OR10H2: variants seen among roughly 807,000 people sequenced by gnomAD.
The protein encoded by OR10H2 is olfactory receptor 10H2.
OR10H2 carries 1 observed loss-of-function variant against 0.8 expected under a neutral mutation model. That is an observed-to-expected ratio of 1.23 (90% confidence interval 0.44 to 5.84). The LOEUF (loss-of-function observed/expected upper bound fraction) is 5.84. Ranked by LOEUF, OR10H2 falls within the 30% of genes most tolerant of loss-of-function variation. The probability of loss-of-function intolerance (pLI) is 0.15; values close to 1 mark genes in which losing one functional copy is unlikely to be tolerated. For synonymous variants in OR10H2, 204 were observed against 174.3 expected (o/e 1.17, Z -1.34); for missense variants, 355 against 405.9 (o/e 0.87, Z 1.08).
Position 15,728,144 on chromosome 19 carries a change from T to G in OR10H2, c.101T>G (p.Met34Arg). ...ATGCTCTTCCTGCTGTTCCTGCTGA[T>G]GTACCTGTTCACGCTGCTGGGCAAC... The part of the protein sequence containing the change: ...QLMLFLLFLL[M>R]YLFTLLGNLL... The change falls in exon 1 of 1, where the codon ATG (methionine) becomes AGG (arginine). Residue 34 changes from methionine to arginine, a missense_variant. Physicochemically the swap from Met to Arg is moderately conservative, Grantham distance 91. Around this residue, in one of 3 missense-constraint regions of OR10H2, gnomAD observed 44 missense variants for 38.4 expected, o/e 1.15. Transcript: ENST00000305899. 6.2e-7 allele frequency: 1 copy of G among 1,614,186 alleles called. No homozygotes were observed. The highest frequency in any genetic ancestry group is 8.5e-7 in the Non-Finnish European group (1 of 1,180,004).
rs753974179 is a variant in OR10H2 at position 15,728,906 on chromosome 19, C to T, written c.863C>T (p.Pro288Leu). 1.9e-6 allele frequency: 3 copies of T among 1,614,078 alleles called. No individual in the cohort carries two copies. In the African/African-American group the frequency reaches 4.0e-5, roughly 22 times the overall value. ...GCAGTCCTCACGCCCTTCCTCAGCC[C>T]CATCATCTTCAGCCTCAGGAACAAA... The part of the protein sequence containing the change: ...TYAVLTPFLS[P>L]IIFSLRNKEL... Residue 288 changes from proline (P) to leucine (L), a missense_variant, in exon 1 of 1, where the codon CCC becomes CTC. Physicochemically the swap from Pro to Leu is moderately conservative, Grantham distance 98. Coordinates refer to ENST00000305899, the MANE Select transcript of OR10H2 (RefSeq NM_013939.2).
chr19:15,728,029 C>T lies in OR10H2; in HGVS notation c.-15C>T, dbSNP rs763815975. 7 of 1,598,440 alleles carry T rather than the reference C, an allele frequency of 4.4e-6. No individual in the cohort carries two copies. The Admixed American group carries it at 1.2e-4, about 27-fold the overall frequency. ...GGGTCTTCTTTCCTCTCTTCCCCAA[C>T]TAGGGGTGGCCGTCATGCTGGGGCT... On this transcript the variant is annotated 5_prime_UTR_variant, in exon 1 of 1. Transcript: ENST00000305899.
At position 15,728,571 on chromosome 19, in the gene OR10H2, T is replaced by A; in HGVS notation, c.528T>A (p.His176Gln). The A allele has an allele frequency of 6.2e-7, 1 of 1,614,066 alleles. No homozygotes were observed. The highest frequency in any genetic ancestry group is 8.5e-7 in the Non-Finnish European group (1 of 1,179,934). The change falls in exon 1 of 1, where the codon CAT (histidine) becomes CAA (glutamine). Residue 176 changes from histidine (H) to glutamine (Q), a missense_variant. Transcript: ENST00000305899. Reference protein sequence around the residue: ...LTFCGSHEIQHFLCHVPPLLK... With the variant: ...LTFCGSHEIQQFLCHVPPLLK... ...TCTGTGGATCCCATGAGATCCAGCATTTTTTATGTCATGTGCCACCTCTGT... is the reference window on the plus strand; with the variant it reads ...TCTGTGGATCCCATGAGATCCAGCAATTTTTATGTCATGTGCCACCTCTGT...
rs184905871 is a variant in OR10H2 at position 15,728,983 on chromosome 19, G to C, written c.940G>C (p.Gly314Arg). The change falls in exon 1 of 1, where the codon GGC (glycine) becomes CGC (arginine). Residue 314 changes from glycine to arginine, a missense_variant. Physicochemically the swap from Gly to Arg is moderately radical, Grantham distance 125. Coordinates refer to ENST00000305899, the MANE Select transcript of OR10H2 (RefSeq NM_013939.2). ...CTTCCTCAGCACACTCTATTCCTCA[G>C]GCACCTGAGTAGCTGGTGTGGAAGT... ...RTFLSTLYSS[G>R]T is the part of the protein sequence containing the mutation. 6.2e-7 allele frequency: 1 copy of C among 1,611,784 alleles called. No individual in the cohort carries two copies. The highest frequency in any genetic ancestry group is 1.3e-5 in the African/African-American group (1 of 74,990).
chr19:15,728,579 G>T lies in OR10H2; in HGVS notation c.536G>T (p.Cys179Phe). 14 of 1,614,154 alleles carry T rather than the reference G, an allele frequency of 8.7e-6. No homozygotes were observed. Among genetic ancestry groups the T allele is most frequent in the Non-Finnish European group, 1.2e-5 (14 of 1,180,006 alleles). Residue 179 changes from cysteine (C) to phenylalanine (F), a missense_variant, in exon 1 of 1, where the codon TGT (cysteine) becomes TTT (phenylalanine). Transcript: ENST00000305899. The part of the protein sequence containing the change: ...CGSHEIQHFL[C>F]HVPPLLKLAC... ...TCCCATGAGATCCAGCATTTTTTATGTCATGTGCCACCTCTGTTGAAGTTG... is the reference window on the plus strand; with the variant it reads ...TCCCATGAGATCCAGCATTTTTTATTTCATGTGCCACCTCTGTTGAAGTTG...
Position 15,728,768 on chromosome 19 carries a change from G to GT in OR10H2, c.726dup (p.Ala243CysfsTer30), listed in dbSNP as rs1409120801. 6.2e-7 allele frequency: 1 copy of GT among 1,614,104 alleles called. No individual in the cohort carries two copies. The highest frequency in any genetic ancestry group is 1.7e-5 in the Admixed American group (1 of 60,014). On this transcript the variant is annotated frameshift_variant, in exon 1 of 1. Transcript: ENST00000305899. LOFTEE classifies it low-confidence loss of function (END_TRUNC). ...GGTCGGAACAAGGCCTTCTCCACCT[G>GT]TGCCTCTCACCTTATTGTGGTCATT...
rs1436980688 is a variant in OR10H2, at chr19:15,728,676, T to C, written c.633T>C (p.Cys211=). The C allele has an allele frequency of 6.2e-7, 1 of 1,614,062 alleles. No individual in the cohort carries two copies. The highest frequency in any genetic ancestry group is 8.5e-7 in the Non-Finnish European group (1 of 1,180,042). Reference sequence around the variant, plus strand: ...TATGTATCATGGCACTGCTGGGCTGTTTTCTCCTCATCCTCCTCTCCTATG... The same window carrying C: ...TATGTATCATGGCACTGCTGGGCTGCTTTCTCCTCATCCTCCTCTCCTATG... ...GLVCIMALLG[C]FLLILLSYAF... Residue 211 remains cysteine, a synonymous_variant, in exon 1 of 1, where the codon TGT becomes TGC. Coordinates refer to ENST00000305899, the MANE Select transcript of OR10H2 (RefSeq NM_013939.2).
rs2008577069 is a variant in OR10H2 at position 15,729,048 on chromosome 19, T to C, written c.*57T>C. On this transcript the variant is annotated 3_prime_UTR_variant, in exon 1 of 1. Coordinates refer to ENST00000305899, the MANE Select transcript of OR10H2 (RefSeq NM_013939.2). ...ATAGGAGGATGACCATCACCTTGTC[T>C]GCACAGTGTGGCTAGTAATGCTTAC... 2.8e-6 allele frequency: 4 copies of C among 1,416,688 alleles called. No homozygotes were observed. The highest frequency in any genetic ancestry group is 3.9e-6 in the Non-Finnish European group (4 of 1,031,568). The allele number at this position is 1,416,688 out of a possible 1,614,324, so 87.8% of individuals were successfully genotyped here. A position where few individuals can be genotyped will look rare whatever the true frequency, so the allele number is the denominator to read the frequency against.
rs2008573292 is a variant in OR10H2 at position 15,728,811 on chromosome 19, C to T, written c.768C>T (p.Ala256=). ...LIVVIVHYGF[A]SVIYLKPKGP... is the part of the protein sequence containing the mutation. ...TGGTCATTGTGCACTATGGCTTTGC[C>T]TCTGTCATCTACCTCAAGCCCAAAG... The change falls in exon 1 of 1, where the codon GCC becomes GCT. Residue 256 remains alanine (A), a synonymous_variant. Transcript: ENST00000305899. 6.2e-7 allele frequency: 1 copy of T among 1,614,176 alleles called. No homozygotes were observed. The highest frequency in any genetic ancestry group is 8.5e-7 in the Non-Finnish European group (1 of 1,180,044).
In OR10H2 at chr19:15,728,049, G is replaced by C; in HGVS notation, c.6G>C (p.Leu2=). 2 of 1,608,510 alleles carry C rather than the reference G, an allele frequency of 1.2e-6. No individual in the cohort carries two copies. Among genetic ancestry groups the C allele is most frequent in the Non-Finnish European group, 1.7e-6 (2 of 1,175,794 alleles). ...CCCAACTAGGGGTGGCCGTCATGCT[G>C]GGGCTAAACCACACCTCCATGTCTG... M[L]GLNHTSMSEF... The change falls in exon 1 of 1, where the codon CTG becomes CTC. Residue 2 remains leucine (L), a synonymous_variant. Coordinates refer to ENST00000305899, the MANE Select transcript of OR10H2 (RefSeq NM_013939.2).
chr19:15,728,274 C>A lies in OR10H2; in HGVS notation c.231C>A (p.Ile77=), dbSNP rs2008563027. 4.3e-6 allele frequency: 7 copies of A among 1,613,518 alleles called. No individual in the cohort carries two copies. The highest frequency in any genetic ancestry group is 5.9e-6 in the Non-Finnish European group (7 of 1,179,420). ...SVSEILYTVA[I]IPRMLADLLS... is the part of the protein sequence containing the mutation. ...CCGAGATCCTCTACACCGTGGCCATCATCCCGCGCATGCTGGCCGACCTGC... is the reference window on the plus strand; with the variant it reads ...CCGAGATCCTCTACACCGTGGCCATAATCCCGCGCATGCTGGCCGACCTGC... The change falls in exon 1 of 1, where the codon ATC becomes ATA. Residue 77 remains isoleucine (I), a synonymous_variant. Transcript: ENST00000305899.
chr19:15,728,809 G>A lies in OR10H2; in HGVS notation c.766G>A (p.Ala256Thr). Residue 256 changes from alanine (A) to threonine (T), a missense_variant, in exon 1 of 1, where the codon GCC becomes ACC. Transcript: ENST00000305899. ...LIVVIVHYGFASVIYLKPKGP... is the reference protein window; with the variant it reads ...LIVVIVHYGFTSVIYLKPKGP... ...TGTGGTCATTGTGCACTATGGCTTT[G>A]CCTCTGTCATCTACCTCAAGCCCAA... The A allele has an allele frequency of 6.2e-7, 1 of 1,614,086 alleles. No homozygotes were observed. Among genetic ancestry groups the A allele is most frequent in the South Asian group, 1.1e-5 (1 of 91,080 alleles).
rs184255716 is a variant in OR10H2, at chr19:15,728,113, C to T, written c.70C>T (p.Gln24Ter). ...CGGCTTCTCTGCCTTCCCCCACCTC[C>T]AACTGATGCTCTTCCTGCTGTTCCT... ...LVGFSAFPHL[Q>*]LMLFLLFLLM... Residue 24 changes from glutamine to a stop codon, truncating the protein, a stop_gained, in exon 1 of 1, where the codon CAA becomes TAA. Transcript: ENST00000305899. LOFTEE classifies it low-confidence loss of function (END_TRUNC). The T allele has an allele frequency of 6.2e-7, 1 of 1,614,224 alleles. No homozygotes were observed. The highest frequency in any genetic ancestry group is 2.2e-5 in the East Asian group (1 of 44,884).
At position 15,728,800 on chromosome 19, in the gene OR10H2, T is replaced by A. The variant is rs1170038909; in HGVS notation, c.757T>A (p.Tyr253Asn). 1.9e-6 allele frequency: 3 copies of A among 1,614,072 alleles called. No individual in the cohort carries two copies. In the Admixed American group the frequency reaches 5.0e-5, roughly 27 times the overall value. The change falls in exon 1 of 1, where the codon TAT becomes AAT. Residue 253 changes from tyrosine (Y) to asparagine (N), a missense_variant. Tyr to Asn is a moderately radical substitution (Grantham distance 143, BLOSUM62 -2). Around this residue, in one of 3 missense-constraint regions of OR10H2, gnomAD observed 178 missense variants for 172.8 expected, o/e 1.03. Transcript: ENST00000305899. Reference protein sequence around the residue: ...ASHLIVVIVHYGFASVIYLKP... With the variant: ...ASHLIVVIVHNGFASVIYLKP... ...TCACCTTATTGTGGTCATTGTGCAC[T>A]ATGGCTTTGCCTCTGTCATCTACCT...
In OR10H2 at chr19:15,728,329, G is replaced by A. The variant is rs2008564071; in HGVS notation, c.286G>A (p.Ala96Thr). The change falls in exon 1 of 1, where the codon GCC (alanine) becomes ACC (threonine). Residue 96 changes from alanine (A) to threonine (T), a missense_variant. Around this residue, in one of 3 missense-constraint regions of OR10H2, gnomAD observed 133 missense variants for 194.7 expected, o/e 0.68. Coordinates refer to ENST00000305899, the MANE Select transcript of OR10H2 (RefSeq NM_013939.2). ...CACCCAGCGCTCCATCGCCTTCCTGGCCTGTGCCAGTCAGATGTTCTTCTC... is the reference window on the plus strand; with the variant it reads ...CACCCAGCGCTCCATCGCCTTCCTGACCTGTGCCAGTCAGATGTTCTTCTC... ...LSTQRSIAFL[A>T]CASQMFFSFS... is the part of the protein sequence containing the mutation. 1 of 1,613,274 alleles carries A rather than the reference G, an allele frequency of 6.2e-7. No individual in the cohort carries two copies. The highest frequency in any genetic ancestry group is 1.1e-5 in the South Asian group (1 of 91,026).
At position 15,728,076 on chromosome 19, in the gene OR10H2, A is replaced by G. The variant is rs1470971014; in HGVS notation, c.33A>G (p.Glu11=). ...GGCTAAACCACACCTCCATGTCTGA[A>G]TTCATCCTCGTCGGCTTCTCTGCCT... MLGLNHTSMS[E]FILVGFSAFP... The change falls in exon 1 of 1, where the codon GAA becomes GAG. Residue 11 remains glutamate (E), a synonymous_variant. Transcript: ENST00000305899. 6.2e-7 allele frequency: 1 copy of G among 1,613,766 alleles called. No individual in the cohort carries two copies. The highest frequency in any genetic ancestry group is 1.1e-5 in the South Asian group (1 of 91,020).
Position 15,728,931 on chromosome 19 carries a change from A to G in OR10H2, c.888A>G (p.Lys296=). The G allele has an allele frequency of 6.2e-7, 1 of 1,614,206 alleles. No homozygotes were observed. Among genetic ancestry groups the G allele is most frequent in the Non-Finnish European group, 8.5e-7 (1 of 1,180,032 alleles). The change falls in exon 1 of 1, where the codon AAA becomes AAG. Residue 296 remains lysine (K), a synonymous_variant. Transcript: ENST00000305899. ...LSPIIFSLRN[K]ELKVAMKRTF... ...CCATCATCTTCAGCCTCAGGAACAA[A>G]GAACTGAAGGTTGCCATGAAGAGGA... is the stretch of plus-strand genomic sequence containing the variant.
rs200355265 is a variant in OR10H2 at position 15,728,251 on chromosome 19, G to C, written c.208G>C (p.Glu70Gln). ...YLFLCVLSVSEILYTVAIIPR... is the reference protein window; with the variant it reads ...YLFLCVLSVSQILYTVAIIPR... ...CTTCCTGTGCGTCCTCTCAGTCTCC[G>C]AGATCCTCTACACCGTGGCCATCAT... The change falls in exon 1 of 1, where the codon GAG (glutamate) becomes CAG (glutamine). Residue 70 changes from glutamate to glutamine, a missense_variant. This residue lies in a region of OR10H2 where 133 missense variants were observed against 194.7 expected (regional missense o/e 0.68). Transcript: ENST00000305899. The C allele has an allele frequency of 1.4e-4, 232 of 1,613,994 alleles. No individual in the cohort carries two copies. The highest frequency in any genetic ancestry group is 1.7e-4 in the Non-Finnish European group (205 of 1,180,016).
At position 15,728,710 on chromosome 19, in the gene OR10H2, G is replaced by A. The variant is rs749692141; in HGVS notation, c.667G>A (p.Val223Met). 25 of 1,614,002 alleles carry A rather than the reference G, an allele frequency of 1.5e-5. No individual in the cohort carries two copies. Among genetic ancestry groups the A allele is most frequent in the Middle Eastern group, 3.3e-4 (2 of 6,084 alleles). ...LLILLSYAFI[V>M]ADILKIPSAE... Reference sequence around the variant, plus strand: ...CATCCTCCTCTCCTATGCCTTCATCGTGGCCGACATCTTGAAGATCCCTTC... The same window carrying A: ...CATCCTCCTCTCCTATGCCTTCATCATGGCCGACATCTTGAAGATCCCTTC... Residue 223 changes from valine (V) to methionine (M), a missense_variant, in exon 1 of 1, where the codon GTG becomes ATG. By Grantham distance (21) the Val-to-Met change is conservative. Transcript: ENST00000305899.
Sources: allele counts gnomAD v4.1 joint callset, GRCh38; gene constraint gnomAD v4.1.1; regional missense constraint gnomAD v4.1.1; transcripts MANE v1.5; gene names NCBI Gene and HGNC (gene_info 2026-07-23, HGNC 2026-07-21).